Variants in SYNPR observed in about 807,000 individuals in gnomAD.
SYNPR encodes synaptoporin.
SYNPR carries 23 observed loss-of-function variants against 32.9 expected under a neutral mutation model. That is an observed-to-expected ratio of 0.70 (90% CI 0.50 to 0.99). The LOEUF is 0.99. Among genes scored for constraint, SYNPR ranks in the 50% least tolerant of loss-of-function variants. The pLI is 0.00. For missense variants in SYNPR, 318 were observed against 349.3 expected (o/e 0.91, Z 0.71); for synonymous variants, 146 against 135.9 (o/e 1.07, Z -0.52).
At chr3:63,326,662 CATAGTG>C (rs1356250359) in intron 2 of SYNPR, among the ~76,000 whole-genome samples, 5 of 152,220 alleles carry the variant, frequency 3.3e-5, no homozygotes, top group Non-Finnish European at 7.4e-5. Context: ...TCTATCTTCT[CATAGTG>C]ATGGCCTGAA....
chr3:63,271,015 C>T (rs2086532436), intron 3 of SYNPR, among the ~76,000 whole-genome samples: 1 of 83,006 alleles, frequency 1.2e-5, no homozygotes, highest in African/African-American at 4.1e-5. Flanking sequence ...TTCCTTCCTT[C>T]CTTCCTTCTT....
chr3:63,258,134 A>T (rs1303910521), intron 2 of SYNPR, among the ~76,000 whole-genome samples: 4 of 152,126 alleles, frequency 2.6e-5, no homozygotes, highest in African/African-American at 9.7e-5. Flanking sequence ...AGACTTTAAC[A>T]CCCCACTGTC....
At chr3:63,466,787 G>A (rs941298836) in intron 2 of SYNPR, among the ~76,000 whole-genome samples, 1 of 134,380 alleles carries the variant, frequency 7.4e-6, no homozygotes, top group Non-Finnish European at 1.5e-5. Flanking sequence ...TTCTTATAAG[G>A]GCACTAATCC....
chr3:63,515,966 G>A (rs1050587322), intron 3 of SYNPR, among the ~76,000 whole-genome samples: 1 of 151,918 alleles, frequency 6.6e-6, no homozygotes, highest in Non-Finnish European at 1.5e-5. Context: ...ATAGATGAAG[G>A]GGACTGGTTA....
intron 2 of SYNPR, among the ~76,000 whole-genome samples, chr3:63,460,929 C>A (rs796414358): frequency 3.9e-5 from 6 of 151,982 alleles, no homozygotes; most frequent in African/African-American, 1.4e-4. Context: ...CACTAGCAGG[C>A]AAATACAGAG....
At chr3:63,279,401 T>C (rs1326722894) in intron 2 of SYNPR, among the ~76,000 whole-genome samples, 2 of 152,208 alleles carry the variant, frequency 1.3e-5, no homozygotes, top group East Asian at 3.9e-4. Context: ...CCCACCAGCC[T>C]GTTTGCCATG....
chr3:63,321,558 T>C (rs1423998651), intron 2 of SYNPR, among the ~76,000 whole-genome samples: 1 of 152,102 alleles, frequency 6.6e-6, no homozygotes, highest in Admixed American at 6.6e-5. Context: ...CAATATCCCC[T>C]GTAAATTGGC....
At chr3:63,491,656 G>C (rs551016427) in intron 3 of SYNPR, among the ~76,000 whole-genome samples, 1 of 152,228 alleles carries the variant, frequency 6.6e-6, no homozygotes, top group Admixed American at 6.5e-5. Context: ...GAGTAGTTGG[G>C]AGTACAGGCA....
intron 3 of SYNPR, among the ~76,000 whole-genome samples, chr3:63,553,697 G>C (rs188671663): frequency 6.6e-6 from 1 of 151,934 alleles, no homozygotes; most frequent in Non-Finnish European, 1.5e-5. Flanking sequence ...ATATTTTTTT[G>C]GCCACTTCTA....
At chr3:63,542,212 A>T (rs1160322934) in intron 3 of SYNPR, among the ~76,000 whole-genome samples, 1 of 152,122 alleles carries the variant, frequency 6.6e-6, no homozygotes, top group Non-Finnish European at 1.5e-5. Flanking sequence ...TTATTTTGGC[A>T]TAGAATTGAG....
At chr3:63,200,768 T>G in the SYNPR span, among the ~76,000 whole-genome samples, 1 of 152,202 alleles carries the variant, frequency 6.6e-6, no homozygotes, top group Non-Finnish European at 1.5e-5. Flanking sequence ...AACTTCTTTG[T>G]GATACTATCA....
chr3:63,299,700 T>G (rs950335254), intron 2 of SYNPR, among the ~76,000 whole-genome samples: 8 of 152,152 alleles, frequency 5.3e-5, no homozygotes, highest in African/African-American at 7.2e-5. Flanking sequence ...ATGGTAGCTG[T>G]CTCATTGATA....
intron 2 of SYNPR, among the ~76,000 whole-genome samples, chr3:63,439,505 T>C (rs761903189): frequency 1.2e-4 from 18 of 152,208 alleles, no homozygotes; most frequent in Non-Finnish European, 2.6e-4. Context: ...TCTAAGTGGC[T>C]AGCTGACAAG....
Position 63,594,318 on chromosome 3 carries a change from T to G in SYNPR, c.409-14807T>G, listed in dbSNP as rs191303990. ...TAGCAAATCACTTAATCTTTCTGAA[T>G]TTTGACTTTCTCACCTGTAAAATAC... On this transcript the variant is annotated intron_variant, in intron 4 of 5. Transcript: ENST00000478300. Among the ~76,000 whole-genome samples the G allele has an allele frequency of 5.6e-3, 857 of 152,268 alleles. 4 individuals are homozygous for G. Among genetic ancestry groups the G allele is most frequent in the Middle Eastern group, 0.014 (4 of 294 alleles).
intron 2 of SYNPR, among the ~76,000 whole-genome samples, chr3:63,437,361 T>G (rs1270834764): frequency 6.6e-6 from 1 of 152,034 alleles, no homozygotes; most frequent in Non-Finnish European, 1.5e-5. Context: ...ATTTTATCGG[T>G]TAGGGCAAGT....
chr3:63,515,439 T>C (rs959442877), intron 3 of SYNPR, among the ~76,000 whole-genome samples: 7 of 152,136 alleles, frequency 4.6e-5, no homozygotes, highest in Non-Finnish European at 1.0e-4. Context: ...ATAATTATTA[T>C]CTTGAAGCCT....
intron 2 of SYNPR, among the ~76,000 whole-genome samples, chr3:63,428,545 C>G (rs986666524): frequency 5.9e-5 from 9 of 152,322 alleles, no homozygotes; most frequent in African/African-American, 2.2e-4. Context: ...ATGCTTAAAA[C>G]AGTAGGCGTT....
intron 3 of SYNPR, among the ~76,000 whole-genome samples, chr3:63,529,929 G>T (rs563261967): frequency 3.3e-4 from 50 of 152,260 alleles, no homozygotes; most frequent in Non-Finnish European, 6.3e-4. Context: ...ATGAGGGGAT[G>T]TGGGAAGGGA....
intron 2 of SYNPR, among the ~76,000 whole-genome samples, chr3:63,408,330 A>C (rs1265314029): frequency 7.5e-6 from 1 of 133,158 alleles, no homozygotes; most frequent in African/African-American, 3.1e-5. Flanking sequence ...GAAAGAAAGA[A>C]AGAAAGAAAG....
Sources: allele counts gnomAD v4.1 joint callset (sites outside exome capture counted in the v4.1 genomes callset), GRCh38; gene constraint gnomAD v4.1.1; transcripts MANE v1.5; gene names NCBI Gene and HGNC (gene_info 2026-07-23, HGNC 2026-07-21).